The following LHFPL4 variants were observed in gnomAD, a reference collection of about 807,000 sequenced individuals.
LHFPL4 encodes LHFPL tetraspan subfamily member 4.
LHFPL4 carries 6 observed loss-of-function variants against 20.0 expected under a neutral mutation model. The observed-to-expected ratio is 0.30, with a 90% CI of 0.16 to 0.59. LHFPL4 has a LOEUF of 0.59. Ranked by LOEUF, LHFPL4 falls within the 20% of genes least tolerant of loss-of-function variation. The pLI is 0.88. For synonymous variants in LHFPL4, 129 were observed against 143.8 expected (o/e 0.90, Z 0.74); for missense variants, 215 against 331.2 (o/e 0.65, Z 2.72).
intron 2 of LHFPL4, among the ~76,000 whole-genome samples, chr3:9,537,675 C>T (rs2046451939): frequency 6.6e-6 from 1 of 152,152 alleles, no homozygotes; most frequent in Non-Finnish European, 1.5e-5. Flanking sequence ...AGCCTATCTT[C>T]CTCAGCCCCT....
At chr3:9,548,579 C>T (rs2046532561) in intron 2 of LHFPL4, among the ~76,000 whole-genome samples, 2 of 152,220 alleles carry the variant, frequency 1.3e-5, no homozygotes, top group African/African-American at 4.8e-5. Context: ...TGGCAGCCCC[C>T]TCTGCTGCTC....
chr3:9,548,269 C>G (rs2046530211), intron 2 of LHFPL4, among the ~76,000 whole-genome samples: 1 of 152,160 alleles, frequency 6.6e-6, no homozygotes, highest in South Asian at 2.1e-4. Context: ...TTGTGAGTAT[C>G]AAATTATATA....
chr3:9,520,390 G>T (rs2046330172), intron 2 of LHFPL4, among the ~76,000 whole-genome samples: 2 of 152,062 alleles, frequency 1.3e-5, no homozygotes, highest in Non-Finnish European at 2.9e-5. Context: ...GTCTTGCTCT[G>T]TTACCCAGGC....
chr3:9,498,464 A>T lies in LHFPL4; in HGVS notation c.*3747T>A, dbSNP rs1231202251. 1 of 152,796 alleles carries T rather than the reference A, an allele frequency of 6.5e-6. No homozygotes were observed. Among genetic ancestry groups the T allele is most frequent in the Non-Finnish European group, 1.5e-5 (1 of 68,154 alleles). 9.5% of individuals were successfully genotyped at this position (152,796 alleles called of 1,614,324 possible). On this transcript the variant is annotated 3_prime_UTR_variant, in exon 4 of 4. Transcript: ENST00000287585. ...TCAGGACCAAAATAAATGTTACCAA[A>T]TTAGACAATGAACAGCGAGGACACA... is the stretch of plus-strand genomic sequence containing the variant.
intron 2 of LHFPL4, among the ~76,000 whole-genome samples, chr3:9,511,932 C>A (rs962538499): frequency 8.2e-6 from 1 of 121,438 alleles, no homozygotes; most frequent in African/African-American, 3.5e-5. Context: ...TACATGGCGA[C>A]TGTTTTTTTT....
At position 9,531,453 on chromosome 3, in the gene LHFPL4, T is replaced by C. The variant is rs1056939824; in HGVS notation, c.406+20821A>G. Among the ~76,000 whole-genome samples the C allele has an allele frequency of 2.6e-5, 4 of 152,164 alleles. 1 individual carries two copies. The East Asian group carries it at 7.7e-4, about 29-fold the overall frequency. On this transcript the variant is annotated intron_variant, in intron 2 of 3. Coordinates refer to ENST00000287585, the MANE Select transcript of LHFPL4 (RefSeq NM_198560.3). ...CAGAAGCAGCTTAATGACGGTTACC[T>C]CTGAGAAGTAGCCTGGGGGAGAGAG...
At chr3:9,510,245 G>A (rs1574838596) in intron 2 of LHFPL4, among the ~76,000 whole-genome samples, 1 of 152,060 alleles carries the variant, frequency 6.6e-6, no homozygotes, top group East Asian at 1.9e-4. Flanking sequence ...GAGGCCAGGA[G>A]TTTAAGACCA....
intron 2 of LHFPL4, among the ~76,000 whole-genome samples, chr3:9,543,326 C>A (rs975203503): frequency 6.6e-6 from 1 of 151,852 alleles, no homozygotes; most frequent in Non-Finnish European, 1.5e-5. Flanking sequence ...ATGGTGAAAC[C>A]CCGTCTCTAC....
At chr3:9,509,075 T>C (rs2046239975) in intron 2 of LHFPL4, among the ~76,000 whole-genome samples, 1 of 152,164 alleles carries the variant, frequency 6.6e-6, no homozygotes, top group Admixed American at 6.5e-5. Context: ...TGCGCAGCGC[T>C]GGCTCCTGCG....
At chr3:9,539,510 C>G (rs2046464757) in intron 2 of LHFPL4, among the ~76,000 whole-genome samples, 1 of 151,022 alleles carries the variant, frequency 6.6e-6, no homozygotes, top group South Asian at 2.1e-4. Context: ...TACCTCCAAT[C>G]CATCCTCTCC....
intron 2 of LHFPL4, among the ~76,000 whole-genome samples, chr3:9,510,711 G>T (rs1019525667): frequency 5.3e-5 from 8 of 152,110 alleles, no homozygotes; most frequent in Non-Finnish European, 8.8e-5. Flanking sequence ...GCCAAGACGA[G>T]TGGATCACCT....
At chr3:9,526,159 A>G (rs1424576226) in intron 2 of LHFPL4, among the ~76,000 whole-genome samples, 1 of 152,246 alleles carries the variant, frequency 6.6e-6, no homozygotes, top group Non-Finnish European at 1.5e-5. Flanking sequence ...TTCCATTTAT[A>G]TGAGCTACCT....
intron 2 of LHFPL4, among the ~76,000 whole-genome samples, chr3:9,545,981 C>T (rs1223946572): frequency 6.6e-6 from 1 of 151,848 alleles, no homozygotes; most frequent in East Asian, 1.9e-4. Context: ...ATGGGAGTTC[C>T]TGGTTGAGGT....
At chr3:9,544,292 TAA>T (rs75177679) in intron 2 of LHFPL4, among the ~76,000 whole-genome samples, 19 of 143,644 alleles carry the variant, frequency 1.3e-4, no homozygotes, top group African/African-American at 3.0e-4. Context: ...CAATAAAAAT[TAA>T]AAAAAAAAAA....
At chr3:9,546,681 G>A (rs779710667) in intron 2 of LHFPL4, among the ~76,000 whole-genome samples, 2 of 152,188 alleles carry the variant, frequency 1.3e-5, no homozygotes, top group Non-Finnish European at 1.5e-5. Flanking sequence ...ACTCTTTCCA[G>A]CTGACAGTTT....
At chr3:9,511,322 G>T (rs61159232) in intron 2 of LHFPL4, among the ~76,000 whole-genome samples, 22,744 of 150,452 alleles carry the variant, frequency 0.15, 2,743 homozygotes, top group East Asian at 0.38. Context: ...CTGCACTCCA[G>T]CCTGGGCGAC....
At chr3:9,518,976 T>C (rs1405476748) in intron 2 of LHFPL4, among the ~76,000 whole-genome samples, 2 of 140,730 alleles carry the variant, frequency 1.4e-5, no homozygotes, top group Non-Finnish European at 3.2e-5. Flanking sequence ...CTCTCTCTGT[T>C]GCCCAAGCTG....
At chr3:9,551,419 G>A (rs1251754397) in intron 2 of LHFPL4, among the ~76,000 whole-genome samples, 1 of 151,832 alleles carries the variant, frequency 6.6e-6, no homozygotes, top group African/African-American at 2.4e-5. Flanking sequence ...AAGTTGCTGA[G>A]TCTTCAAAAT....
At chr3:9,526,955 A>C (rs375644944) in intron 2 of LHFPL4, among the ~76,000 whole-genome samples, 64 of 152,290 alleles carry the variant, frequency 4.2e-4, no homozygotes, top group African/African-American at 1.5e-3. Context: ...AAAAAGAAAA[A>C]AAAAGGTTAA....
Sources: allele counts gnomAD v4.1 joint callset (sites outside exome capture counted in the v4.1 genomes callset), GRCh38; gene constraint gnomAD v4.1.1; transcripts MANE v1.5; gene names NCBI Gene and HGNC (gene_info 2026-07-23, HGNC 2026-07-21).